The following PRKCE variants were observed in gnomAD, a reference collection of about 807,000 sequenced individuals.
The protein encoded by PRKCE is protein kinase C epsilon.
PRKCE carries 16 observed loss-of-function variants against 85.4 expected under a neutral mutation model. The observed-to-expected ratio is 0.19, with a 90% CI of 0.13 to 0.28. The LOEUF is 0.28. PRKCE is among the 10% of genes least tolerant of loss of function. The pLI, the probability that PRKCE is intolerant of heterozygous loss-of-function variation, is 1.00. For missense variants in PRKCE, 573 were observed against 975.2 expected (o/e 0.59, Z 5.49); for synonymous variants, 388 against 371.5 (o/e 1.04, Z -0.51).
At chr2:45,762,945 T>A (rs1281368511) in intron 1 of PRKCE, among the ~76,000 whole-genome samples, 2 of 136,022 alleles carry the variant, frequency 1.5e-5, no homozygotes, top group African/African-American at 5.5e-5. Flanking sequence ...TTTCTTTTCT[T>A]TTCTTTTCTT....
At chr2:45,960,177 A>G (rs139755195) in intron 2 of PRKCE, among the ~76,000 whole-genome samples, 6 of 152,272 alleles carry the variant, frequency 3.9e-5, no homozygotes, top group African/African-American at 1.2e-4. Context: ...TGTGTGTGGT[A>G]TGGTGGAAAA....
intron 6 of PRKCE, among the ~76,000 whole-genome samples, chr2:46,000,150 GT>G (rs112523774): frequency 6.9e-4 from 99 of 144,134 alleles, no homozygotes; most frequent in African/African-American, 1.1e-3. Flanking sequence ...GGGTTTTTTT[GT>G]TTTTTTTTTT....
chr2:45,882,917 G>T (rs182455132), intron 2 of PRKCE, among the ~76,000 whole-genome samples: 34 of 152,378 alleles, frequency 2.2e-4, no homozygotes, highest in African/African-American at 7.9e-4. Context: ...AATAAAGCTG[G>T]CCGCTGCTTC....
chr2:46,002,328 G>A (rs34885667), intron 7 of PRKCE, among the ~76,000 whole-genome samples: 32,003 of 152,118 alleles, frequency 0.21, 3,656 homozygotes, highest in African/African-American at 0.28. Context: ...GTGGGGCGTG[G>A]CCCTCATTGC....
chr2:45,902,350 C>T, intron 2 of PRKCE, among the ~76,000 whole-genome samples: 1 of 152,086 alleles, frequency 6.6e-6, no homozygotes, highest in Admixed American at 6.5e-5. Flanking sequence ...TTACCAAAAG[C>T]CTGCCAATGC....
chr2:45,782,235 G>A (rs1686246456), intron 1 of PRKCE, among the ~76,000 whole-genome samples: 2 of 152,194 alleles, frequency 1.3e-5, no homozygotes, highest in South Asian at 4.2e-4. Flanking sequence ...CCCATCTTCC[G>A]ACTTGACCCC....
chr2:45,889,683 G>T (rs1486042923), intron 2 of PRKCE, among the ~76,000 whole-genome samples: 1 of 152,210 alleles, frequency 6.6e-6, no homozygotes, highest in Non-Finnish European at 1.5e-5. Context: ...CCAGGAATGG[G>T]AAATGGCAGC....
chr2:46,172,467 G>T (rs1236847224), intron 14 of PRKCE, among the ~76,000 whole-genome samples: 5 of 151,130 alleles, frequency 3.3e-5, no homozygotes, highest in Admixed American at 3.3e-4. Flanking sequence ...GTATAGGTGT[G>T]GGCCTGGGCA....
At chr2:46,152,974 T>C (rs1676794659) in intron 13 of PRKCE, among the ~76,000 whole-genome samples, 2 of 152,106 alleles carry the variant, frequency 1.3e-5, no homozygotes, top group Admixed American at 6.5e-5. Flanking sequence ...AGTTTTTTTT[T>C]CCTCCTTCCT....
chr2:45,817,064 AGAGT>A (rs1689107539), intron 1 of PRKCE, among the ~76,000 whole-genome samples: 1 of 91,732 alleles, frequency 1.1e-5, no homozygotes, highest in African/African-American at 4.6e-5. Context: ...TACTGTAAGT[AGAGT>A]GTGTGTGTGT....
At chr2:46,150,507 G>T (rs1236366117) in intron 12 of PRKCE, among the ~76,000 whole-genome samples, 1 of 152,124 alleles carries the variant, frequency 6.6e-6, no homozygotes, top group Non-Finnish European at 1.5e-5. Context: ...TTACAGGGTG[G>T]GGGAGACTTA....
chr2:45,905,132 T>C lies in PRKCE; in HGVS notation c.412+62069T>C, dbSNP rs985587495. On this transcript the variant is annotated intron_variant, in intron 2 of 14. Transcript: ENST00000306156. The surrounding 1 kb of genome is among the most constrained non-coding windows in gnomAD (Gnocchi z 4.4). ...GCAGCTCCTTGTTAATTCAGAGTAA[T>C]GCTGGGGCAGGCCGTAGTCCAGGCC... Among the ~76,000 whole-genome samples the C allele has an allele frequency of 6.6e-6, 1 of 152,230 alleles. No individual in the cohort carries two copies. Among genetic ancestry groups the C allele is most frequent in the African/African-American group, 2.4e-5 (1 of 41,454 alleles).
intron 2 of PRKCE, among the ~76,000 whole-genome samples, chr2:45,926,654 T>C (rs905165197): frequency 6.6e-6 from 1 of 152,230 alleles, no homozygotes; most frequent in South Asian, 2.1e-4. Flanking sequence ...TTTGTTTTGG[T>C]CATTACTAAA....
chr2:46,044,295 ATAAT>A (rs1317711520), intron 10 of PRKCE, among the ~76,000 whole-genome samples: 1 of 152,216 alleles, frequency 6.6e-6, no homozygotes. Flanking sequence ...GCTATGTGAA[ATAAT>A]TAAAGAGTGC....
chr2:45,952,523 T>C (rs12471357), intron 2 of PRKCE, among the ~76,000 whole-genome samples: 87,462 of 152,084 alleles, frequency 0.58, 25,367 homozygotes, highest in Middle Eastern at 0.71. Flanking sequence ...TGTTAACTAA[T>C]GGTTCAAATT....
intron 10 of PRKCE, among the ~76,000 whole-genome samples, chr2:46,034,193 C>A (rs1157468852): frequency 6.6e-6 from 1 of 152,202 alleles, no homozygotes; most frequent in Non-Finnish European, 1.5e-5. Flanking sequence ...AGTACTTATA[C>A]CTCAATGTTA....
chr2:45,736,967 C>A (rs931882750), intron 1 of PRKCE, among the ~76,000 whole-genome samples: 1 of 152,126 alleles, frequency 6.6e-6, no homozygotes, highest in Non-Finnish European at 1.5e-5. Flanking sequence ...GGGGAATGAG[C>A]AGATGGAAGA....
At chr2:46,007,404 A>G in intron 8 of PRKCE, 58 bp from the exon 9 acceptor site, 2 of 1,554,274 alleles carry the variant, frequency 1.3e-6, no homozygotes, top group African/African-American at 1.4e-5. Flanking sequence ...GTTGAGTCCT[A>G]ATGTAACAGG....
chr2:46,142,359 C>G (rs1258767204), intron 11 of PRKCE, among the ~76,000 whole-genome samples: 1 of 152,164 alleles, frequency 6.6e-6, no homozygotes, highest in Non-Finnish European at 1.5e-5. Flanking sequence ...CTAACAATCG[C>G]CCTTCTGGCT....
Sources: allele counts gnomAD v4.1 joint callset (sites outside exome capture counted in the v4.1 genomes callset), GRCh38; gene constraint gnomAD v4.1.1; non-coding constraint Gnocchi (gnomAD v3.1); transcripts MANE v1.5; gene names NCBI Gene and HGNC (gene_info 2026-07-23, HGNC 2026-07-21).